ST7: variants seen among roughly 807,000 people sequenced by gnomAD.
The protein encoded by ST7 is suppressor of tumorigenicity 7 protein.
In ST7, 28 loss-of-function variants were observed where a neutral mutation model predicts 78.7. The observed-to-expected ratio is 0.36, with a 90% CI of 0.26 to 0.49. ST7 has a LOEUF of 0.49. Among genes scored for constraint, ST7 ranks in the 20% least tolerant of loss-of-function variants. The pLI is 0.99. For missense variants in ST7, 418 were observed against 696.0 expected, an observed-to-expected ratio of 0.60 and a Z score of 4.49; for synonymous variants, 247 against 249.6, an observed-to-expected ratio of 0.99 and a Z score of 0.10.
chr7:117,200,584 G>A (rs1390708254), intron 12 of ST7, among the ~76,000 whole-genome samples: 1 of 152,174 alleles, frequency 6.6e-6, no homozygotes, highest in East Asian at 1.9e-4. Context: ...AAGAGGTAGT[G>A]GAGGGCACAA....
intron 13 of ST7, 37 bp downstream of exon 13, chr7:117,209,974 C>CATGA: frequency 6.3e-7 from 1 of 1,598,980 alleles, no homozygotes; most frequent in Non-Finnish European, 8.5e-7. Context: ...TTTTTAAGAG[C>CATGA]ATGAAAAGGT....
At chr7:117,214,959 G>C (rs2116100069) in intron 13 of ST7, among the ~76,000 whole-genome samples, 1 of 143,730 alleles carries the variant, frequency 7.0e-6, no homozygotes, top group South Asian at 2.2e-4. Context: ...TGTGTGTACA[G>C]TGTATATAAG....
intron 1 of ST7, among the ~76,000 whole-genome samples, chr7:117,009,261 TTTTTTTTTTG>T (rs1181593856): frequency 5.0e-5 from 1 of 20,052 alleles, no homozygotes; most frequent in Non-Finnish European, 1.2e-4. Flanking sequence ...TTTTTTGTTT[TTTTTTTTTTG>T]TTTTTGGCCT....
intron 10 of ST7, among the ~76,000 whole-genome samples, chr7:117,187,060 A>G (rs1221972830): frequency 6.6e-6 from 1 of 152,222 alleles, no homozygotes; most frequent in Non-Finnish European, 1.5e-5. Flanking sequence ...AAGATGCTCT[A>G]TGTGAAGGGA....
At chr7:116,996,162 A>G (rs972376400) in intron 1 of ST7, among the ~76,000 whole-genome samples, 14 of 149,326 alleles carry the variant, frequency 9.4e-5, no homozygotes, top group African/African-American at 3.2e-4. Context: ...GCTCACTGCA[A>G]CCTCCACCTC....
At chr7:117,164,875 C>T (rs973723635) in intron 9 of ST7, among the ~76,000 whole-genome samples, 3 of 151,786 alleles carry the variant, frequency 2.0e-5, no homozygotes, top group African/African-American at 7.3e-5. Context: ...GGAGGGAGCT[C>T]ATCTGTAAAG....
intron 1 of ST7, chr7:116,955,281 A>G (rs1792401540): frequency 2.0e-5 from 7 of 341,868 alleles, no homozygotes; most frequent in South Asian, 1.6e-4. Context: ...CTGTAACAGA[A>G]TACCACAGAT....
intron 1 of ST7, among the ~76,000 whole-genome samples, chr7:117,096,503 G>A (rs146841353): frequency 3.9e-5 from 6 of 152,274 alleles, no homozygotes; most frequent in African/African-American, 9.6e-5. Flanking sequence ...TTCCTTTTGT[G>A]CTTTTTTTGC....
At chr7:117,197,762 CAAGG>C (rs1228994402) in intron 12 of ST7, among the ~76,000 whole-genome samples, 1 of 152,060 alleles carries the variant, frequency 6.6e-6, no homozygotes, top group African/African-American at 2.4e-5. Flanking sequence ...AACAACAGAG[CAAGG>C]AATAATGACC....
intron 12 of ST7, among the ~76,000 whole-genome samples, chr7:117,205,229 T>C (rs1289498447): frequency 1.2e-4 from 18 of 152,204 alleles, no homozygotes; most frequent in Admixed American, 1.2e-3. Context: ...AAATAATTAA[T>C]AATCTGCTAT....
At chr7:117,126,301 G>A (rs768159148) in intron 3 of ST7, among the ~76,000 whole-genome samples, 63 of 151,866 alleles carry the variant, frequency 4.1e-4, no homozygotes, top group Non-Finnish European at 7.4e-4. Context: ...GAGTTAAATT[G>A]GGTGTAGAAT....
intron 9 of ST7, among the ~76,000 whole-genome samples, chr7:117,159,305 T>C (rs767466884): frequency 4.6e-5 from 7 of 152,160 alleles, no homozygotes; most frequent in African/African-American, 1.2e-4. Flanking sequence ...GAACTGACAA[T>C]AGCCAGATGA....
intron 1 of ST7, among the ~76,000 whole-genome samples, chr7:117,039,478 G>A (rs1191851969): frequency 1.3e-5 from 2 of 152,014 alleles, no homozygotes; most frequent in African/African-American, 4.8e-5. Context: ...GGAGGCTGAG[G>A]TGGGAGGATC....
intron 1 of ST7, among the ~76,000 whole-genome samples, chr7:116,969,547 A>AAGTT (rs1293595894): frequency 6.6e-6 from 1 of 152,058 alleles, no homozygotes; most frequent in Non-Finnish European, 1.5e-5. Context: ...CTTCACTGTA[A>AAGTT]AGTTACCCTT....
chr7:117,036,162 G>A (rs532218103), intron 1 of ST7, among the ~76,000 whole-genome samples: 6 of 152,214 alleles, frequency 3.9e-5, no homozygotes, highest in East Asian at 1.9e-4. Flanking sequence ...AGCTTACTCC[G>A]CATATTAAGT....
At chr7:117,063,417 A>G (rs1258889594) in intron 1 of ST7, among the ~76,000 whole-genome samples, 1 of 152,220 alleles carries the variant, frequency 6.6e-6, no homozygotes, top group African/African-American at 2.4e-5. Context: ...GTTTGTATAA[A>G]GTATTTCAGG....
intron 1 of ST7, among the ~76,000 whole-genome samples, chr7:117,081,303 T>G (rs1799755208): frequency 6.6e-6 from 1 of 152,122 alleles, no homozygotes; most frequent in Admixed American, 6.5e-5. Context: ...TATTAATCTT[T>G]ATTAAGGCCA....
At chr7:117,120,922 A>G (rs980695632) in intron 3 of ST7, among the ~76,000 whole-genome samples, 1 of 152,182 alleles carries the variant, frequency 6.6e-6, no homozygotes, top group African/African-American at 2.4e-5. Flanking sequence ...GGACAATGGG[A>G]AGGGTATGAA....
Position 117,136,135 on chromosome 7 carries a change from A to C in ST7, c.765A>C (p.Glu255Asp). 6.2e-7 allele frequency: 1 copy of C among 1,613,626 alleles called. No individual in the cohort carries two copies. The highest frequency in any genetic ancestry group is 2.2e-5 in the East Asian group (1 of 44,850). ...LAEEEATTIA[E>D]AEKLFKQALK... is the part of the protein sequence containing the mutation. The stretch of plus-strand genomic sequence containing the variant: ...AAGAGGAAGCAACAACCATTGCTGA[A>C]GCAGAAAAATTATTTAAGCAGGCCC... Residue 255 changes from glutamate to aspartate, a missense_variant, in exon 8 of 16, where the codon GAA (glutamate) becomes GAC (aspartate). Transcript: ENST00000323984.
Sources: gnomAD v4.1 joint callset for allele counts (sites outside exome capture counted in the v4.1 genomes callset) on GRCh38, gnomAD v4.1.1 for gene constraint, MANE v1.5 for transcripts, NCBI Gene and HGNC (gene_info 2026-07-23, HGNC 2026-07-21) for gene names.